The following KLHL4 variants were observed in gnomAD, a reference collection of about 807,000 sequenced individuals.
KLHL4 encodes the protein kelch like family member 4.
In KLHL4, 17 loss-of-function variants were observed where a neutral mutation model predicts 45.8. The ratio of observed to expected loss-of-function variants is 0.37; its 90% CI spans 0.25 to 0.56. KLHL4 has a LOEUF of 0.56. Ranked by LOEUF, KLHL4 falls within the 20% of genes least tolerant of loss-of-function variation. The pLI is 0.79. For synonymous variants in KLHL4, 224 were observed against 189.9 expected (o/e 1.18, Z -1.47); for missense variants, 544 against 544.9 (o/e 1.00, Z 0.02).
intron 1 of KLHL4, among the ~76,000 whole-genome samples, chrX:87,546,711 A>G (rs929708355): frequency 8.9e-6 from 1 of 112,734 alleles, no homozygotes. Flanking sequence ...AGCAGCCAGG[A>G]CTAAGGGCTG....
intron 1 of KLHL4, among the ~76,000 whole-genome samples, chrX:87,600,373 A>G (rs1192082185): frequency 2.7e-5 from 3 of 109,731 alleles, no homozygotes; most frequent in Non-Finnish European, 5.7e-5. Context: ...AGTCCCAGCT[A>G]TCAGGAGGCT....
chrX:87,539,501 G>A (rs1171162292), intron 1 of KLHL4, among the ~76,000 whole-genome samples: 2 of 109,563 alleles, frequency 1.8e-5, no homozygotes, highest in African/African-American at 6.6e-5. Context: ...TATTTATTCT[G>A]GGCCTCAGAA....
rs192627801 is a variant in KLHL4, at chrX:87,604,002, A to G, written c.423-9875A>G. ...TGAGATCATGTGGTATTTGTCTTTC[A>G]GTGTCTAACATTTTATTTAACATAA... On this transcript the variant is annotated intron_variant, in intron 1 of 10. Coordinates refer to ENST00000373119, the MANE Select transcript of KLHL4 (RefSeq NM_019117.5). 1.1e-4 allele frequency among the ~76,000 whole-genome samples: 12 copies of G among 110,639 alleles called. No individual in the cohort carries two copies. In the East Asian group the frequency reaches 3.1e-3, roughly 29 times the overall value.
chrX:87,614,346 T>C (rs1922483369), intron 2 of KLHL4, 88 bp from the exon 3 acceptor site: 4 of 883,164 alleles, frequency 4.5e-6, no homozygotes, highest in African/African-American at 2.0e-5. Flanking sequence ...ACAGACTCAC[T>C]AGTGTTACAA....
At chrX:87,551,587 GTAGA>G (rs780160650) in intron 1 of KLHL4, among the ~76,000 whole-genome samples, 8 of 107,512 alleles carry the variant, frequency 7.4e-5, no homozygotes, top group African/African-American at 1.4e-4. Flanking sequence ...AAATAGATAG[GTAGA>G]TAGATAGATA....
At chrX:87,602,569 G>A (rs5924054) in intron 1 of KLHL4, among the ~76,000 whole-genome samples, 53,749 of 110,581 alleles carry the variant, frequency 0.49, 9,750 homozygotes, top group Middle Eastern at 0.64. Context: ...CAGGTTTGTA[G>A]CTGAGGAGCA....
intron 1 of KLHL4, among the ~76,000 whole-genome samples, chrX:87,547,930 G>A (rs976562956): frequency 1.1e-4 from 12 of 111,696 alleles, no homozygotes; most frequent in Non-Finnish European, 1.9e-4. Context: ...GTAGAGATGG[G>A]GTAGAAATTT....
intron 1 of KLHL4, among the ~76,000 whole-genome samples, chrX:87,524,527 A>G (rs922467034): frequency 8.1e-5 from 9 of 111,354 alleles, no homozygotes; most frequent in African/African-American, 2.9e-4. Flanking sequence ...CATAAGAAAA[A>G]CATCAGAGAA....
intron 1 of KLHL4, 40 bp from the exon 2 acceptor site, chrX:87,613,837 T>A: frequency 9.9e-7 from 1 of 1,013,577 alleles, no homozygotes; most frequent in Non-Finnish European, 1.3e-6. Context: ...TTTACAAAAT[T>A]ATATGATGAA....
chrX:87,571,543 T>G (rs1462085593), intron 1 of KLHL4, among the ~76,000 whole-genome samples: 1 of 111,286 alleles, frequency 9.0e-6, no homozygotes, highest in African/African-American at 3.2e-5. Flanking sequence ...TGTGAAGAAT[T>G]TGTGGCTCAC....
intron 1 of KLHL4, among the ~76,000 whole-genome samples, chrX:87,545,871 G>A (rs756805480): frequency 9.0e-5 from 10 of 111,341 alleles, no homozygotes; most frequent in South Asian, 3.8e-4. Context: ...ATTGGGAACC[G>A]GTGTAAAGGT....
At chrX:87,579,580 T>C (rs1050167187) in intron 1 of KLHL4, among the ~76,000 whole-genome samples, 3 of 111,158 alleles carry the variant, frequency 2.7e-5, no homozygotes, top group African/African-American at 9.8e-5. Flanking sequence ...AATTTTGAAA[T>C]CTGTAAGAGA....
intron 1 of KLHL4, among the ~76,000 whole-genome samples, chrX:87,586,484 C>T (rs767920096): frequency 9.0e-6 from 1 of 111,022 alleles, no homozygotes; most frequent in Admixed American, 9.6e-5. Context: ...ATTTTAGCAA[C>T]TATAGAAATA....
chrX:87,539,664 A>C (rs1931510497), intron 1 of KLHL4, among the ~76,000 whole-genome samples: 1 of 111,054 alleles, frequency 9.0e-6, no homozygotes, highest in Admixed American at 9.7e-5. Context: ...TGATGAGAAC[A>C]TCTGGTGTGC....
intron 9 of KLHL4, among the ~76,000 whole-genome samples, chrX:87,644,647 T>C (rs1424451559): frequency 8.9e-6 from 1 of 111,904 alleles, no homozygotes; most frequent in Non-Finnish European, 1.9e-5. Flanking sequence ...CAGCCTGATT[T>C]CAAACCAGTC....
intron 1 of KLHL4, among the ~76,000 whole-genome samples, chrX:87,585,685 A>G (rs1921448855): frequency 9.0e-6 from 1 of 111,451 alleles, no homozygotes; most frequent in Non-Finnish European, 1.9e-5. Context: ...TTACAGAAAG[A>G]CAGGAAGAAA....
intron 1 of KLHL4, among the ~76,000 whole-genome samples, chrX:87,612,510 A>G (rs1375140314): frequency 2.7e-5 from 3 of 111,727 alleles, no homozygotes; most frequent in African/African-American, 3.2e-5. Context: ...AGTACAGTCT[A>G]TAATGATGCA....
chrX:87,626,522 T>C (rs967442856), intron 6 of KLHL4, among the ~76,000 whole-genome samples: 6 of 110,795 alleles, frequency 5.4e-5, no homozygotes, highest in Non-Finnish European at 9.5e-5. Context: ...TCCTTTGTCC[T>C]GCACCTATGA....
chrX:87,534,165 T>C (rs142249460), intron 1 of KLHL4, among the ~76,000 whole-genome samples: 25 of 111,557 alleles, frequency 2.2e-4, no homozygotes, highest in African/African-American at 7.5e-4. Flanking sequence ...GAGACCCTAG[T>C]AAATGTAGCT....
Sources: allele counts gnomAD v4.1 joint callset (sites outside exome capture counted in the v4.1 genomes callset), GRCh38; gene constraint gnomAD v4.1.1; transcripts MANE v1.5; gene names NCBI Gene and HGNC (gene_info 2026-07-23, HGNC 2026-07-21).